The following PUDP variants were observed in gnomAD, a reference collection of about 807,000 sequenced individuals.
The protein encoded by PUDP is pseudouridine-5'-phosphatase.
PUDP carries 8 observed loss-of-function variants against 9.4 expected under a neutral mutation model. The ratio of observed to expected loss-of-function variants is 0.85; its 90% CI spans 0.50 to 1.53. The LOEUF is 1.53. PUDP is among the 40% of genes most tolerant of loss of function. The pLI is 0.00. For missense variants in PUDP, 188 were observed against 189.7 expected (o/e 0.99, Z 0.05); for synonymous variants, 99 against 80.7 (o/e 1.23, Z -1.22).
At chrX:6,929,035 T>C (rs1928150242) in intron 3 of PUDP, among the ~76,000 whole-genome samples, 1 of 112,130 alleles carries the variant, frequency 8.9e-6, no homozygotes, top group Non-Finnish European at 1.9e-5. Context: ...TACATAGTTA[T>C]TCCTGTTCAT....
Position 6,908,957 on chromosome X carries a change from C to T in PUDP, c.*247+68176G>A, listed in dbSNP as rs143159019. On this transcript the variant is annotated intron_variant and NMD_transcript_variant, in intron 3 of 3. Transcript: ENST00000655425. ...CCTCCAAGAGATTCTTGTGCCTGGA[C>T]CAGGCCCTAATCCATAGATGAGAGC... Among the ~76,000 whole-genome samples the T allele has an allele frequency of 6.3e-5, 7 of 111,151 alleles. No homozygotes were observed. In the East Asian group the frequency reaches 2.0e-3, roughly 32 times the overall value.
At chrX:7,114,971 AAG>A (rs1932155949) in intron 1 of PUDP, among the ~76,000 whole-genome samples, 1 of 112,192 alleles carries the variant, frequency 8.9e-6, no homozygotes, top group East Asian at 2.8e-4. Context: ...TTTGTAATGA[AAG>A]AGAGATTTAA....
chrX:7,014,230 A>G (rs1602713850), intron 1 of PUDP, among the ~76,000 whole-genome samples: 2 of 109,910 alleles, frequency 1.8e-5, no homozygotes, highest in African/African-American at 6.7e-5. Context: ...TGGGGTTTAT[A>G]TGGGTACAGG....
intron 3 of PUDP, among the ~76,000 whole-genome samples, chrX:6,744,104 T>A (rs980127627): frequency 3.6e-5 from 4 of 111,957 alleles, no homozygotes; most frequent in Non-Finnish European, 7.5e-5. Flanking sequence ...TTTGTCTACA[T>A]GCTATTTGGA....
chrX:6,738,938 G>A (rs985454859), intron 3 of PUDP, among the ~76,000 whole-genome samples: 1 of 111,438 alleles, frequency 9.0e-6, no homozygotes, highest in East Asian at 2.8e-4. Flanking sequence ...ATTGAAGGTC[G>A]CATGGGAAGA....
chrX:6,806,958 G>A (rs1011826293), intron 3 of PUDP, among the ~76,000 whole-genome samples: 1 of 112,456 alleles, frequency 8.9e-6, no homozygotes, highest in Non-Finnish European at 1.9e-5. Flanking sequence ...GTCACAGAAT[G>A]CAACCAGGAA....
intron 3 of PUDP, among the ~76,000 whole-genome samples, chrX:6,748,429 T>C (rs1925025475): frequency 1.8e-5 from 2 of 111,948 alleles, no homozygotes; most frequent in Non-Finnish European, 3.8e-5. Context: ...TCAAATACGG[T>C]GCAGGCAGCA....
chrX:6,966,537 G>A (rs868362501), intron 3 of PUDP, among the ~76,000 whole-genome samples: 33 of 94,443 alleles, frequency 3.5e-4, no homozygotes, highest in Middle Eastern at 5.7e-3. Flanking sequence ...AGACTGGATC[G>A]CCTTCATATT....
downstream of PUDP, among the ~76,000 whole-genome samples, chrX:7,045,242 C>T (rs1338155211): frequency 8.9e-6 from 1 of 112,755 alleles, no homozygotes; most frequent in Non-Finnish European, 1.9e-5. Context: ...TGTAAGTTTC[C>T]TGTGGCCTCC....
chrX:7,033,154 A>G (rs192815938), intron 1 of PUDP, among the ~76,000 whole-genome samples: 32 of 111,725 alleles, frequency 2.9e-4, no homozygotes, highest in South Asian at 1.1e-3. Flanking sequence ...TCAGACTCCA[A>G]GTTCTTCAAC....
chrX:7,013,669 G>A (rs1005182451), intron 1 of PUDP, among the ~76,000 whole-genome samples: 1 of 111,972 alleles, frequency 8.9e-6, no homozygotes, highest in Non-Finnish European at 1.9e-5. Flanking sequence ...CGTGTGGCTC[G>A]CCCGCTTGGT....
intron 3 of PUDP, among the ~76,000 whole-genome samples, chrX:6,974,965 T>G (rs954471605): frequency 9.1e-6 from 1 of 109,299 alleles, no homozygotes; most frequent in Non-Finnish European, 1.9e-5. Context: ...TAAGTTGATC[T>G]TCAATCTCTG....
chrX:6,732,076 T>C (rs1328519606), intron 3 of PUDP, among the ~76,000 whole-genome samples: 1 of 111,878 alleles, frequency 8.9e-6, no homozygotes, highest in Non-Finnish European at 1.9e-5. Flanking sequence ...TTGATCCCTT[T>C]ATATTCTTTT....
chrX:6,770,161 C>T (rs1925340701), intron 3 of PUDP, among the ~76,000 whole-genome samples: 1 of 112,796 alleles, frequency 8.9e-6, no homozygotes, highest in Non-Finnish European at 1.9e-5. Context: ...TCTTGACTTC[C>T]CATCATACAA....
At chrX:7,070,258 G>A (rs73192625) in intron 3 of PUDP, among the ~76,000 whole-genome samples, 1,836 of 111,828 alleles carry the variant, frequency 0.016, 12 homozygotes, top group Non-Finnish European at 0.024. Flanking sequence ...TTGTTATTAC[G>A]GTTTTTTAAA....
chrX:6,882,390 A>G (rs1927359985), intron 3 of PUDP, among the ~76,000 whole-genome samples: 2 of 111,549 alleles, frequency 1.8e-5, no homozygotes, highest in African/African-American at 6.5e-5. Flanking sequence ...CTGGAGAATG[A>G]TGTTCTAGCC....
intron 1 of PUDP, among the ~76,000 whole-genome samples, chrX:7,139,218 C>G (rs905773436): frequency 7.1e-5 from 8 of 112,266 alleles, no homozygotes; most frequent in African/African-American, 2.3e-4. Flanking sequence ...CTTTGTAACA[C>G]CCAGCAGAGT....
intron 1 of PUDP, among the ~76,000 whole-genome samples, chrX:6,995,907 G>C (rs1929244185): frequency 9.3e-6 from 1 of 107,135 alleles, no homozygotes; most frequent in Non-Finnish European, 1.9e-5. Flanking sequence ...CTCAGGGCCA[G>C]AGAGTTAACA....
chrX:6,716,494 G>A (rs1427415376), intron 1 of PUDP, among the ~76,000 whole-genome samples: 1 of 111,901 alleles, frequency 8.9e-6, no homozygotes, highest in African/African-American at 3.2e-5. Context: ...AAATATGCAT[G>A]TCGAAAGGAA....
Sources: allele counts gnomAD v4.1 joint callset (sites outside exome capture counted in the v4.1 genomes callset), GRCh38; gene constraint gnomAD v4.1.1; transcripts MANE v1.5; gene names NCBI Gene and HGNC (gene_info 2026-07-23, HGNC 2026-07-21).